PRPF19: variants seen among roughly 807,000 people sequenced by gnomAD.
PRPF19 encodes the protein pre-mRNA processing factor 19.
PRPF19 carries 2 observed loss-of-function variants against 64.2 expected under a neutral mutation model. That is an observed-to-expected ratio of 0.03 (90% CI 0.01 to 0.10). PRPF19 has a LOEUF of 0.10. PRPF19 is among the 10% of genes least tolerant of loss of function. The pLI is 1.00. For missense variants in PRPF19, 314 were observed against 650.0 expected (o/e 0.48, Z 5.62); for synonymous variants, 226 against 251.6 (o/e 0.90, Z 0.96).
rs1337091832 is a variant in PRPF19, at chr11:60,900,609, G to T, written c.801C>A (p.Val267=). 1 of 1,555,672 alleles carries T rather than the reference G, an allele frequency of 6.4e-7. No individual in the cohort carries two copies. Among genetic ancestry groups the T allele is most frequent in the East Asian group, 2.4e-5 (1 of 41,706 alleles). Residue 267 remains valine, a synonymous_variant, in exon 10 of 16, where the codon GTC becomes GTA. Coordinates refer to ENST00000227524, the MANE Select transcript of PRPF19 (RefSeq NM_014502.5). ...LATLKGHTKK[V]TSVVFHPSQD... ...GGGAAGGGTGAAACACCACGCTGGT[G>T]ACCTTCTTGGTATGGCCTTTGAGGG...
rs1193683717 is a variant in PRPF19 at position 60,905,474 on chromosome 11, T to C, written c.19+890A>G. The C allele has an allele frequency of 2.0e-5, 3 of 152,014 alleles. No homozygotes were observed. The East Asian group carries it at 5.8e-4, about 29-fold the overall frequency. The allele number at this position is 152,014 out of a possible 1,614,324, so 9.4% of individuals were successfully genotyped here. On this transcript the variant is annotated intron_variant, in intron 1 of 15. Transcript: ENST00000227524. ...GGTTCTGAGAAGAGAAGGAAGTGAA[T>C]AGCAAAAGGGAGGGGAAACGAGTAA...
At chr11:60,906,182 G>A (rs1856043014) in intron 1 of PRPF19, among the ~76,000 whole-genome samples, 182 bp downstream of exon 1, 2 of 152,202 alleles carry the variant, frequency 1.3e-5, no homozygotes, top group Non-Finnish European at 2.9e-5. Context: ...TAAACTGCGG[G>A]GCACTGCGCA....
chr11:60,891,332 T>C, intron 15 of PRPF19, 69 bp from the exon 16 acceptor site: 1 of 1,163,966 alleles, frequency 8.6e-7, no homozygotes, highest in Non-Finnish European at 1.3e-6. Context: ...TGATCCCTAA[T>C]AACAGATTCC....
At position 60,902,269 on chromosome 11, in the gene PRPF19, A is replaced by G; in HGVS notation, c.525+134T>C. ...GTGGCATCAAAATACAAACCCAGGC[A>G]ATCTGGTCCCAGGGTCCATGCTCTG... On this transcript the variant is annotated intron_variant, in intron 6 of 15. Coordinates refer to ENST00000227524, the MANE Select transcript of PRPF19 (RefSeq NM_014502.5). This position sits in a 1 kb window ranked among gnomAD's most constrained non-coding sequence, Gnocchi z 5.0. The G allele has an allele frequency of 1.0e-6, 1 of 990,576 alleles. No individual in the cohort carries two copies. Among genetic ancestry groups the G allele is most frequent in the Non-Finnish European group, 1.5e-6 (1 of 660,226 alleles). 61.4% of individuals were successfully genotyped at this position (990,576 alleles called of 1,614,324 possible). A position where few individuals can be genotyped will look rare whatever the true frequency, so the allele number is the denominator to read the frequency against.
chr11:60,900,819 C>A (rs200956536), intron 9 of PRPF19, 35 bp downstream of exon 9: 1 of 1,612,862 alleles, frequency 6.2e-7, no homozygotes, highest in East Asian at 2.2e-5. Flanking sequence ...TGCCCCTCCC[C>A]ACTTTGGCCT....
rs544602636 is a variant in PRPF19, at chr11:60,898,647, A to G, written c.1055-21T>C. On this transcript the variant is annotated intron_variant, in intron 12 of 15. Coordinates refer to ENST00000227524, the MANE Select transcript of PRPF19 (RefSeq NM_014502.5). The surrounding 1 kb of genome is among the most constrained non-coding windows in gnomAD (Gnocchi z 4.6). ...GAGAGCTGTGGAGGAGGGAAGAGAG[A>G]CCTGTGGTCAGAGCCCACCAGGGAG... The G allele has an allele frequency of 3.7e-6, 6 of 1,613,974 alleles. No individual in the cohort carries two copies. In the African/African-American group the frequency reaches 8.0e-5, roughly 22 times the overall value.
At position 60,901,213 on chromosome 11, in the gene PRPF19, C is replaced by T. The variant is rs925672381; in HGVS notation, c.642+82G>A. ...CAGGAACCTGGGACAGCTCTGCACT[C>T]AGCACTCCCCATGCTGGCCCGCCCA... On this transcript the variant is annotated intron_variant, in intron 8 of 15. Coordinates refer to ENST00000227524, the MANE Select transcript of PRPF19 (RefSeq NM_014502.5). 69 of 1,454,806 alleles carry T rather than the reference C, an allele frequency of 4.7e-5. No individual in the cohort carries two copies. In the Admixed American group the frequency reaches 1.2e-3, roughly 25 times the overall value. The allele number at this position is 1,454,806 out of a possible 1,614,324, so 90.1% of individuals were successfully genotyped here.
intron 15 of PRPF19, among the ~76,000 whole-genome samples, chr11:60,893,873 C>G (rs1312808061): frequency 6.6e-6 from 1 of 152,060 alleles, no homozygotes; most frequent in African/African-American, 2.4e-5. Flanking sequence ...GAGCCAAGAT[C>G]GTGCCACTGC....
chr11:60,899,350 C>T, intron 10 of PRPF19, 46 bp from the exon 11 acceptor site: 1 of 1,550,290 alleles, frequency 6.5e-7, no homozygotes, highest in Non-Finnish European at 8.9e-7. Flanking sequence ...AAAAGAGATA[C>T]AGACCAAAAC....
chr11:60,897,593 T>G (rs1037680209), intron 15 of PRPF19: 1 of 381,022 alleles, frequency 2.6e-6, no homozygotes, highest in African/African-American at 2.1e-5. Flanking sequence ...TTATCAAAAC[T>G]TCAGAGGGAC....
In PRPF19 at chr11:60,891,088, C is replaced by A. The variant is rs1388514874; in HGVS notation, c.*78G>T. The stretch of plus-strand genomic sequence containing the variant: ...ACAGAGCCCCCTCCCCCCATAGATT[C>A]CCCCCACCCCCCCCCCCAAACCCTA... On this transcript the variant is annotated 3_prime_UTR_variant, in exon 16 of 16. Transcript: ENST00000227524. The A allele has an allele frequency of 5.3e-5, 4 of 76,094 alleles. No homozygotes were observed. The highest frequency in any genetic ancestry group is 2.7e-4 in the African/African-American group (1 of 3,756). 4.7% of individuals were successfully genotyped at this position (76,094 alleles called of 1,614,324 possible). A position where few individuals can be genotyped will look rare whatever the true frequency, so the allele number is the denominator to read the frequency against.
chr11:60,898,388 C>CG lies in PRPF19; in HGVS notation c.1141-118dup, dbSNP rs1565110483. 1 of 1,506,864 alleles carries CG rather than the reference C, an allele frequency of 6.6e-7. No individual in the cohort carries two copies. Among genetic ancestry groups the CG allele is most frequent in the Non-Finnish European group, 8.9e-7 (1 of 1,117,966 alleles). 93.3% of individuals were successfully genotyped at this position (1,506,864 alleles called of 1,614,324 possible). A position where few individuals can be genotyped will look rare whatever the true frequency, so the allele number is the denominator to read the frequency against. ...ACGTCCTTCCAGGAAGGACAGCCAG[C>CG]GGGACCCCCCAGACCACACCATCAT... On this transcript the variant is annotated intron_variant, in intron 13 of 15. Coordinates refer to ENST00000227524, the MANE Select transcript of PRPF19 (RefSeq NM_014502.5). This position sits in a 1 kb window ranked among gnomAD's most constrained non-coding sequence, Gnocchi z 4.6.
In PRPF19 at chr11:60,906,369, C is replaced by A; in HGVS notation, c.14G>T (p.Cys5Phe). 6.3e-7 allele frequency: 1 copy of A among 1,599,764 alleles called. No individual in the cohort carries two copies. Among genetic ancestry groups the A allele is most frequent in the Non-Finnish European group, 8.5e-7 (1 of 1,174,842 alleles). ...TGGCCGCAGCCAACACTCACTGGAG[C>A]AGATTAGGGACATGGCGCCGTCACC... MSLI[C>F]SISNEVPEHP... is the part of the protein sequence containing the mutation. The change falls in exon 1 of 16, where the codon TGC becomes TTC. Residue 5 changes from cysteine to phenylalanine, a missense_variant. Cys to Phe is a radical substitution (Grantham distance 205). Around this residue, in one of 7 missense-constraint regions of PRPF19, gnomAD observed 66 missense variants for 88.4 expected, o/e 0.75. Coordinates refer to ENST00000227524, the MANE Select transcript of PRPF19 (RefSeq NM_014502.5).
chr11:60,897,727 T>C, intron 15 of PRPF19, 119 bp downstream of exon 15: 1 of 787,442 alleles, frequency 1.3e-6, no homozygotes, highest in Non-Finnish European at 2.1e-6. Context: ...CTGCCTCAGG[T>C]GGTAACAGAA....
rs199771969 is a variant in PRPF19, at chr11:60,903,539, C to T, written c.170-4G>A. ...TTGGGCCGGATTGGGTGAGCAACTG[C>T]CGAAAGGGAAAGCAGGTATGAAGAA... On this transcript the variant is annotated splice_polypyrimidine_tract_variant and splice_region_variant and intron_variant, in intron 2 of 15. Coordinates refer to ENST00000227524, the MANE Select transcript of PRPF19 (RefSeq NM_014502.5). 2 of 1,613,896 alleles carry T rather than the reference C, an allele frequency of 1.2e-6. No homozygotes were observed. The highest frequency in any genetic ancestry group is 2.2e-5 in the East Asian group (1 of 44,888).
chr11:60,899,334 A>G, intron 10 of PRPF19, 30 bp from the exon 11 acceptor site: 1 of 1,590,580 alleles, frequency 6.3e-7, no homozygotes, highest in Non-Finnish European at 8.6e-7. Context: ...AGAATATCAG[A>G]GTCAGAAAAG....
At chr11:60,897,493 CTAATA>C (rs1855934838) in intron 15 of PRPF19, 1 of 202,100 alleles carries the variant, frequency 4.9e-6, no homozygotes, top group Admixed American at 5.5e-5. Context: ...TTCTGCAGAT[CTAATA>C]TAATGTGGGC....
intron 15 of PRPF19, among the ~76,000 whole-genome samples, chr11:60,893,400 A>C (rs529143755): frequency 6.6e-6 from 1 of 152,124 alleles, no homozygotes. Context: ...GCTACTCGGG[A>C]GGCTGAGGCA....
rs1402211730 is a variant in PRPF19, at chr11:60,899,284, G to A, written c.849C>T (p.Ser283=). ...HPSQDLVFSA[S]PDATIRIWSV... is the part of the protein sequence containing the mutation. ...ACCAAATCCTGATAGTGGCATCGGG[G>A]GAAGCAGAAAACACCAGGTCCTACA... The change falls in exon 11 of 16, where the codon TCC becomes TCT. Residue 283 remains serine, a synonymous_variant. Transcript: ENST00000227524. 1 of 1,612,844 alleles carries A rather than the reference G, an allele frequency of 6.2e-7. No individual in the cohort carries two copies. Among genetic ancestry groups the A allele is most frequent in the Admixed American group, 1.7e-5 (1 of 60,018 alleles).
Sources: allele counts gnomAD v4.1 joint callset (sites outside exome capture counted in the v4.1 genomes callset), GRCh38; gene constraint gnomAD v4.1.1; regional missense constraint gnomAD v4.1.1; non-coding constraint Gnocchi (gnomAD v3.1); transcripts MANE v1.5; gene names NCBI Gene and HGNC (gene_info 2026-07-23, HGNC 2026-07-21).